Variants in COL18A1 observed in about 807,000 individuals in gnomAD.
COL18A1 encodes collagen type XVIII alpha 1 chain, also known as collagen alpha-1(XVIII) chain.
In COL18A1, 133 loss-of-function variants were observed where a neutral mutation model predicts 168.0. That is an observed-to-expected ratio of 0.79 (90% CI 0.69 to 0.91). The LOEUF (loss-of-function observed/expected upper bound fraction) is 0.91, where lower values mean the gene tolerates loss of function less well. Ranked by LOEUF, COL18A1 falls within the 40% of genes least tolerant of loss-of-function variation. COL18A1 has a pLI of 0.00. For missense variants in COL18A1, 2,126 were observed against 1,925.4 expected (o/e 1.10, Z -1.95); for synonymous variants, 949 against 809.0 (o/e 1.17, Z -2.94).
chr21:45,417,931 CTG>C (rs1411376008), intron 2 of COL18A1, among the ~76,000 whole-genome samples: 1 of 152,264 alleles, frequency 6.6e-6, no homozygotes, highest in African/African-American at 2.4e-5. Flanking sequence ...TGGCAGCACT[CTG>C]TGTCTCCGGC....
intron 2 of COL18A1, among the ~76,000 whole-genome samples, chr21:45,459,215 C>G (rs1288244083): frequency 6.6e-6 from 1 of 152,204 alleles, no homozygotes; most frequent in East Asian, 1.9e-4. Context: ...CCAGCCCAGG[C>G]TCCTCTTGGG....
Position 45,497,662 on chromosome 21 carries a change from G to A in COL18A1, c.2683+1G>A, listed in dbSNP as rs745948910. 1 of 1,565,796 alleles carries A rather than the reference G, an allele frequency of 6.4e-7. No individual in the cohort carries two copies. The highest frequency in any genetic ancestry group is 1.2e-5 in the South Asian group (1 of 85,308). On this transcript the variant is annotated splice_donor_variant, in intron 32 of 41. Transcript: ENST00000651438. LOFTEE classifies it high-confidence loss of function. ...GAAGTGGGCCCCCCCGGACCACCAGGTGAGCAACTCTGGACATCCCAGGCA... is the reference window on the plus strand; with the variant it reads ...GAAGTGGGCCCCCCCGGACCACCAGATGAGCAACTCTGGACATCCCAGGCA...
At chr21:45,491,418 G>T (rs1340665369) in intron 22 of COL18A1, 104 bp downstream of exon 22, 2 of 671,068 alleles carry the variant, frequency 3.0e-6, no homozygotes, top group African/African-American at 2.0e-5. Flanking sequence ...CCCAGGTCAG[G>T]ACAGGCCCTG....
chr21:45,498,314 G>A lies in COL18A1; in HGVS notation c.2683+653G>A, dbSNP rs551828905. The A allele has an allele frequency of 1.7e-5, 12 of 694,574 alleles. No homozygotes were observed. The highest frequency in any genetic ancestry group is 4.2e-5 in the Admixed American group (2 of 47,562). 43.0% of individuals were successfully genotyped at this position (694,574 alleles called of 1,614,324 possible). ...CACCAGGGTCCCCTCTCGCCGCCAC[G>A]GTCCCCTCTCGCCGCCAGGGTCCCC... On this transcript the variant is annotated intron_variant, in intron 32 of 41. Coordinates refer to ENST00000651438, the MANE Select transcript of COL18A1 (RefSeq NM_001379500.1). This position sits in a 1 kb window ranked among gnomAD's most constrained non-coding sequence, Gnocchi z 4.5.
intron 3 of COL18A1, among the ~76,000 whole-genome samples, chr21:45,470,313 G>A (rs2035364242): frequency 6.6e-6 from 1 of 152,072 alleles, no homozygotes; most frequent in African/African-American, 2.4e-5. Context: ...GGTTTTCAAT[G>A]GGCCCAACTC....
intron 2 of COL18A1, among the ~76,000 whole-genome samples, chr21:45,438,370 GCA>G (rs771862984): frequency 2.3e-4 from 32 of 137,522 alleles, no homozygotes; most frequent in Admixed American, 6.4e-4. Context: ...GCACTCTCCT[GCA>G]CACACACACA....
At chr21:45,449,260 C>T (rs921660511) in intron 2 of COL18A1, among the ~76,000 whole-genome samples, 4 of 152,286 alleles carry the variant, frequency 2.6e-5, no homozygotes, top group South Asian at 2.1e-4. Flanking sequence ...TTCCAGCTGC[C>T]GCCGGCCAGG....
Position 45,455,574 on chromosome 21 carries a change from TCTG to T in COL18A1, c.107-12663_107-12661del, listed in dbSNP as rs759495424. The stretch of plus-strand genomic sequence containing the variant: ...GGCTGCCACATCCTGCTGCTGCTCT[TCTG>T]CTGCCTGGCGGCTGCCCGGGCCAAC... On this transcript the variant is annotated intron_variant, in intron 2 of 41. Coordinates refer to ENST00000651438, the MANE Select transcript of COL18A1 (RefSeq NM_001379500.1). 4 of 1,613,896 alleles carry T rather than the reference TCTG, an allele frequency of 2.5e-6. No individual in the cohort carries two copies. Among genetic ancestry groups the T allele is most frequent in the South Asian group, 2.2e-5 (2 of 91,086 alleles).
chr21:45,509,717 G>C, intron 39 of COL18A1, 116 bp downstream of exon 39: 5 of 745,596 alleles, frequency 6.7e-6, no homozygotes, highest in Non-Finnish European at 1.2e-5. Context: ...CATGGGTGGG[G>C]GTCTGGCGGC....
At position 45,509,592 on chromosome 21, in the gene COL18A1, C is replaced by G. The variant is rs758465639; in HGVS notation, c.3486C>G (p.Phe1162Leu). 1.3e-6 allele frequency: 2 copies of G among 1,494,900 alleles called. No individual in the cohort carries two copies. The highest frequency in any genetic ancestry group is 2.5e-5 in the East Asian group (1 of 40,250). 92.6% of individuals were successfully genotyped at this position (1,494,900 alleles called of 1,614,324 possible). ...TSPPAHSHRD[F>L]QPVLHLVALN... ...CACCCGCCCACAGCCACCGCGACTT[C>G]CAGCCGGTGGTGAGTGCCCCCCCAA... The change falls in exon 39 of 42, where the codon TTC becomes TTG. Residue 1162 changes from phenylalanine to leucine, a missense_variant. Phe to Leu is a conservative substitution (Grantham distance 22, BLOSUM62 0). Transcript: ENST00000651438.
chr21:45,455,364 T>C, intron 2 of COL18A1: 1 of 952,118 alleles, frequency 1.1e-6, no homozygotes, highest in Middle Eastern at 3.3e-4. Context: ...GCACCTTGAT[T>C]CCAAGGCTGG....
At chr21:45,483,653 G>T (rs753864578) in intron 15 of COL18A1, among the ~76,000 whole-genome samples, 5 of 151,010 alleles carry the variant, frequency 3.3e-5, no homozygotes, top group Admixed American at 3.3e-4. Flanking sequence ...CTCGAATCAT[G>T]TCCAAAACGT....
At position 45,443,876 on chromosome 21, in the gene COL18A1, T is replaced by C. The variant is rs567949434; in HGVS notation, c.107-24366T>C. On this transcript the variant is annotated intron_variant, in intron 2 of 41. Transcript: ENST00000651438. This position sits in a 1 kb window ranked among gnomAD's most constrained non-coding sequence, Gnocchi z 5.2. ...ATGCGTCCGAGGGACACTGGACATC[T>C]GGTGGCCCTCCAGACTCCTAGGAAG... Among the ~76,000 whole-genome samples, 6 of 152,276 alleles carry C rather than the reference T, an allele frequency of 3.9e-5. No individual in the cohort carries two copies. The East Asian group carries it at 1.2e-3, about 29-fold the overall frequency.
At chr21:45,476,603 T>C in intron 6 of COL18A1, 123 bp downstream of exon 6, 3 of 1,237,578 alleles carry the variant, frequency 2.4e-6, no homozygotes, top group Non-Finnish European at 3.5e-6. Flanking sequence ...GTGTATATGG[T>C]ACATGTGTGT....
At chr21:45,495,715 T>TACAC in intron 29 of COL18A1, 1 of 429,438 alleles carries the variant, frequency 2.3e-6, no homozygotes, top group Non-Finnish European at 4.4e-6. Context: ...CGCGCACACA[T>TACAC]ACACGCACAC....
In COL18A1 at chr21:45,510,260, A is replaced by G; in HGVS notation, c.3692A>G (p.Lys1231Arg). 1 of 1,602,936 alleles carries G rather than the reference A, an allele frequency of 6.2e-7. No individual in the cohort carries two copies. Among genetic ancestry groups the G allele is most frequent in the East Asian group, 2.3e-5 (1 of 44,086 alleles). Reference protein sequence around the residue: ...DRAAVPIVNLKDELLFPSWEA... With the variant: ...DRAAVPIVNLRDELLFPSWEA... The stretch of plus-strand genomic sequence containing the variant: ...GCAGCCGTGCCCATCGTCAACCTCA[A>G]GGTGGGTCAGTCCAGTCCTGAGGGC... Residue 1231 changes from lysine to arginine, a missense_variant and splice_region_variant, in exon 40 of 42, where the codon AAG becomes AGG. Transcript: ENST00000651438.
chr21:45,413,190 G>A (rs1359295753), intron 2 of COL18A1, among the ~76,000 whole-genome samples: 1 of 152,228 alleles, frequency 6.6e-6, no homozygotes, highest in Non-Finnish European at 1.5e-5. Context: ...GGACTGGTTT[G>A]CAACGTGAGT....
In COL18A1 at chr21:45,465,071, A is replaced by G. The variant is rs115364093; in HGVS notation, c.107-3171A>G. Among the ~76,000 whole-genome samples the G allele has an allele frequency of 1.0e-2, 1,518 of 152,312 alleles. 22 individuals are homozygous for G. The highest frequency in any genetic ancestry group is 0.034 in the African/African-American group (1,409 of 41,560). On this transcript the variant is annotated intron_variant, in intron 2 of 41. Transcript: ENST00000651438. Reference sequence around the variant, plus strand: ...GCATCTCAGGAGTCTCCATAACTCCAGGGAGATGCTCTGCTCTTCGTGTTG... The same window carrying G: ...GCATCTCAGGAGTCTCCATAACTCCGGGGAGATGCTCTGCTCTTCGTGTTG...
At chr21:45,499,027 T>G (rs2036644800) in intron 32 of COL18A1, among the ~76,000 whole-genome samples, 1 of 152,178 alleles carries the variant, frequency 6.6e-6, no homozygotes, top group Admixed American at 6.5e-5. Flanking sequence ...GCGGAATGGC[T>G]GATGCTCTTC....
Sources: gnomAD v4.1 joint callset for allele counts (sites outside exome capture counted in the v4.1 genomes callset) on GRCh38, gnomAD v4.1.1 for gene constraint, Gnocchi (gnomAD v3.1) non-coding constraint, MANE v1.5 for transcripts, NCBI Gene and HGNC (gene_info 2026-07-23, HGNC 2026-07-21) for gene names.